PCDHGA9: variants seen among roughly 807,000 people sequenced by gnomAD.
PCDHGA9 encodes protocadherin gamma subfamily A, 9.
A neutral mutation model predicts 62.5 loss-of-function variants in PCDHGA9; 37 were observed. That is an observed-to-expected ratio of 0.59 (90% confidence interval 0.46 to 0.78). The LOEUF (loss-of-function observed/expected upper bound fraction) is 0.78, where lower values mean the gene tolerates loss of function less well. PCDHGA9 is among the 30% of genes least tolerant of loss of function. The probability of loss-of-function intolerance (pLI) is 0.00; values close to 1 mark genes in which losing one functional copy is unlikely to be tolerated. For missense variants in PCDHGA9, 1,138 were observed against 1,166.2 expected (o/e 0.98, Z 0.35); for synonymous variants, 459 against 484.6 (o/e 0.95, Z 0.69).
intron 1 of PCDHGA9, chr5:141,417,819 C>T: frequency 3.3e-6 from 5 of 1,513,202 alleles, no homozygotes; most frequent in Non-Finnish European, 3.5e-6. Flanking sequence ...GCACTTTCTC[C>T]AACTGGAAAA....
At chr5:141,443,392 T>A (rs151260637) in intron 1 of PCDHGA9, among the ~76,000 whole-genome samples, 1 of 151,662 alleles carries the variant, frequency 6.6e-6, no homozygotes, top group Non-Finnish European at 1.5e-5. Context: ...GGCTGAGGTG[T>A]GAGGATCACC....
rs1310227506 is a variant in PCDHGA9, at chr5:141,432,214, CCAGATCACTTATTCCCTGG to C, written c.2424+26840_2424+26858del. ...ACGACCCCGACTGTGAAGAGAACGC[CCAGATCACTTATTCCCTGG>C]CTGAGAACACCATCCAAGGGGCAAG... is the stretch of plus-strand genomic sequence containing the variant. On this transcript the variant is annotated intron_variant, in intron 1 of 3. Transcript: ENST00000573521. This position sits in a 1 kb window ranked among gnomAD's most constrained non-coding sequence, Gnocchi z 6.0. 3.1e-6 allele frequency: 5 copies of C among 1,614,236 alleles called. No homozygotes were observed. The highest frequency in any genetic ancestry group is 4.2e-6 in the Non-Finnish European group (5 of 1,180,050).
At position 141,485,010 on chromosome 5, in the gene PCDHGA9, C is replaced by T; in HGVS notation, c.2425-9797C>T. 1 of 629,958 alleles carries T rather than the reference C, an allele frequency of 1.6e-6. No homozygotes were observed. The highest frequency in any genetic ancestry group is 2.9e-6 in the Non-Finnish European group (1 of 350,608). 39.0% of individuals were successfully genotyped at this position (629,958 alleles called of 1,614,324 possible). On this transcript the variant is annotated intron_variant, in intron 1 of 3. Coordinates refer to ENST00000573521, the MANE Select transcript of PCDHGA9 (RefSeq NM_018921.3). This position sits in a 1 kb window ranked among gnomAD's most constrained non-coding sequence, Gnocchi z 5.7. ...GTGGTGAAAGGCAGACAAATCTACC[C>T]CGCCACCAGCAAAAACGGCGCGTAA...
rs539878473 is a variant in PCDHGA9 at position 141,501,595 on chromosome 5, C to T, written c.2484-3798C>T. Reference sequence around the variant, plus strand: ...GCTGGCTTTCAGGTTGCAACTCTACCAGTTCCAGCTGTGTGACTCTGGTAT... The same window carrying T: ...GCTGGCTTTCAGGTTGCAACTCTACTAGTTCCAGCTGTGTGACTCTGGTAT... On this transcript the variant is annotated intron_variant, in intron 2 of 3. Coordinates refer to ENST00000573521, the MANE Select transcript of PCDHGA9 (RefSeq NM_018921.3). Among the ~76,000 whole-genome samples the T allele has an allele frequency of 9.9e-5, 15 of 152,164 alleles. No homozygotes were observed. In the East Asian group the frequency reaches 2.9e-3, roughly 30 times the overall value.
chr5:141,421,530 C>T (rs377652360), intron 1 of PCDHGA9: 274 of 1,613,922 alleles, frequency 1.7e-4, no homozygotes, highest in Non-Finnish European at 2.3e-4. Flanking sequence ...AGACGGTGTC[C>T]TCCTGTTTTT....
Position 141,405,359 on chromosome 5 carries a change from G to A in PCDHGA9, c.2407G>A (p.Asp803Asn). ...VSVDSKFPIE[D>N]TPLVPQAPPN... ...TGTTGATTCCAAGTTTCCTATAGAA[G>A]ACACCCCTTTGGTTCCGGTGAGTTC... is the stretch of plus-strand genomic sequence containing the variant. Residue 803 changes from aspartate (D) to asparagine (N), a missense_variant, in exon 1 of 4, where the codon GAC (aspartate) becomes AAC (asparagine). Physicochemically the swap from Asp to Asn is conservative, Grantham distance 23 (BLOSUM62 1). Transcript: ENST00000573521. The A allele has an allele frequency of 1.2e-6, 2 of 1,614,018 alleles. No individual in the cohort carries two copies. Among genetic ancestry groups the A allele is most frequent in the Non-Finnish European group, 1.7e-6 (2 of 1,179,920 alleles).
In PCDHGA9 at chr5:141,432,716, C is replaced by G. The variant is rs1417017747; in HGVS notation, c.2424+27340C>G. ...GGCCGTCCAGGACCACGGCCAGCCC[C>G]CTCTCTCCGCCACTGTCACGCTCAC... On this transcript the variant is annotated intron_variant, in intron 1 of 3. Coordinates refer to ENST00000573521, the MANE Select transcript of PCDHGA9 (RefSeq NM_018921.3). This position sits in a 1 kb window ranked among gnomAD's most constrained non-coding sequence, Gnocchi z 6.0. 5.6e-6 allele frequency: 9 copies of G among 1,613,912 alleles called. No individual in the cohort carries two copies. Among genetic ancestry groups the G allele is most frequent in the Non-Finnish European group, 7.6e-6 (9 of 1,179,990 alleles).
rs999687684 is a variant in PCDHGA9 at position 141,431,598 on chromosome 5, C to G, written c.2424+26222C>G. 1 of 1,614,074 alleles carries G rather than the reference C, an allele frequency of 6.2e-7. No individual in the cohort carries two copies. The highest frequency in any genetic ancestry group is 1.3e-5 in the African/African-American group (1 of 74,938). On this transcript the variant is annotated intron_variant, in intron 1 of 3. Transcript: ENST00000573521. This position sits in a 1 kb window ranked among gnomAD's most constrained non-coding sequence, Gnocchi z 4.8. ...GGAGTCAATGCGGAAGTGAGGTATT[C>G]CTTCCGGTATGTGGACGACAAGGCG...
chr5:141,410,186 C>G, intron 1 of PCDHGA9: 1 of 1,613,940 alleles, frequency 6.2e-7, no homozygotes, highest in Non-Finnish European at 8.5e-7. Flanking sequence ...CACGCTTCAT[C>G]TGGTCTTCGC....
chr5:141,431,462 G>A lies in PCDHGA9; in HGVS notation c.2424+26086G>A. ...GCGCATCCGCGTGATGGTTCTGGAT[G>A]CGAACGACAACGCACCAGCGTTTGC... On this transcript the variant is annotated intron_variant, in intron 1 of 3. Transcript: ENST00000573521. This position sits in a 1 kb window ranked among gnomAD's most constrained non-coding sequence, Gnocchi z 4.8. 6.2e-7 allele frequency: 1 copy of A among 1,613,826 alleles called. No individual in the cohort carries two copies. The highest frequency in any genetic ancestry group is 2.2e-5 in the East Asian group (1 of 44,886).
At chr5:141,430,906 C>A (rs764039566) in intron 1 of PCDHGA9, 2 of 1,606,932 alleles carry the variant, frequency 1.2e-6, no homozygotes, top group Non-Finnish European at 1.7e-6. Flanking sequence ...GCGACATCTC[C>A]AGGGACCTGG....
In PCDHGA9 at chr5:141,418,490, G is replaced by A. The variant is rs1473964718; in HGVS notation, c.2424+13114G>A. On this transcript the variant is annotated intron_variant, in intron 1 of 3. Coordinates refer to ENST00000573521, the MANE Select transcript of PCDHGA9 (RefSeq NM_018921.3). Reference sequence around the variant, plus strand: ...AGAAACGCAGAGCGCTCACCACTTGGTACTGACCGCCTTAGATGGTGGGGA... The same window carrying A: ...AGAAACGCAGAGCGCTCACCACTTGATACTGACCGCCTTAGATGGTGGGGA... 5.6e-6 allele frequency: 9 copies of A among 1,613,996 alleles called. No homozygotes were observed. In the East Asian group the frequency reaches 1.6e-4, roughly 28 times the overall value.
chr5:141,467,764 TGCCCGCACCTCA>T (rs544344217), intron 1 of PCDHGA9, among the ~76,000 whole-genome samples: 90 of 152,158 alleles, frequency 5.9e-4, no homozygotes, highest in South Asian at 1.0e-3. Context: ...CATGCTCAAG[TGCCCGCACCTCA>T]GCCTCTCAAG....
At chr5:141,478,044 C>G in intron 1 of PCDHGA9, 1 of 1,614,184 alleles carries the variant, frequency 6.2e-7, no homozygotes. Flanking sequence ...CCCAGGCAGA[C>G]TCTCACGGTC....
chr5:141,409,303 C>G, intron 1 of PCDHGA9: 3 of 1,613,922 alleles, frequency 1.9e-6, no homozygotes, highest in South Asian at 2.2e-5. Flanking sequence ...TGGTTGTTGC[C>G]CTCTTCAAAA....
In PCDHGA9 at chr5:141,404,992, C is replaced by G. The variant is rs2094593837; in HGVS notation, c.2040C>G (p.Ile680Met). 3.1e-6 allele frequency: 5 copies of G among 1,613,876 alleles called. No individual in the cohort carries two copies. Among genetic ancestry groups the G allele is most frequent in the Admixed American group, 3.3e-5 (2 of 60,006 alleles). The part of the protein sequence containing the change: ...DILADLGSLQ[I>M]PADLEASDLT... Reference sequence around the variant, plus strand: ...TGGCTGACCTGGGCAGTCTTCAGATCCCTGCAGACCTGGAGGCCTCAGACC... The same window carrying G: ...TGGCTGACCTGGGCAGTCTTCAGATGCCTGCAGACCTGGAGGCCTCAGACC... Residue 680 changes from isoleucine to methionine, a missense_variant, in exon 1 of 4, where the codon ATC becomes ATG. Ile to Met is a conservative substitution (Grantham distance 10). Coordinates refer to ENST00000573521, the MANE Select transcript of PCDHGA9 (RefSeq NM_018921.3).
At chr5:141,510,795 G>A in intron 3 of PCDHGA9, 152 bp from the exon 4 acceptor site, 6 of 1,465,214 alleles carry the variant, frequency 4.1e-6, no homozygotes, top group Non-Finnish European at 5.5e-6. Context: ...CTTGTGAAGA[G>A]AGACTACCTT....
chr5:141,432,887 T>A lies in PCDHGA9; in HGVS notation c.2424+27511T>A, dbSNP rs146168033. On this transcript the variant is annotated intron_variant, in intron 1 of 3. Coordinates refer to ENST00000573521, the MANE Select transcript of PCDHGA9 (RefSeq NM_018921.3). The surrounding 1 kb of genome is among the most constrained non-coding windows in gnomAD (Gnocchi z 6.0). ...CTGCGTCTTCCTGGCCTTCGTCATC[T>A]TGCTGCTGGCGCTCAGGCTGCGGCG... 1.2e-6 allele frequency: 2 copies of A among 1,614,056 alleles called. No homozygotes were observed. Among genetic ancestry groups the A allele is most frequent in the Non-Finnish European group, 1.7e-6 (2 of 1,179,998 alleles).
In PCDHGA9 at chr5:141,418,596, T is replaced by C; in HGVS notation, c.2424+13220T>C. On this transcript the variant is annotated intron_variant, in intron 1 of 3. Coordinates refer to ENST00000573521, the MANE Select transcript of PCDHGA9 (RefSeq NM_018921.3). Reference sequence around the variant, plus strand: ...AACCCCCCAGTGTTCAGCCAGGACGTGTACAGGGTTAGCCTTCGGGAAGAC... The same window carrying C: ...AACCCCCCAGTGTTCAGCCAGGACGCGTACAGGGTTAGCCTTCGGGAAGAC... 8.7e-6 allele frequency: 14 copies of C among 1,614,046 alleles called. No individual in the cohort carries two copies. The highest frequency in any genetic ancestry group is 1.1e-5 in the Non-Finnish European group (13 of 1,179,906).
Sources: gnomAD v4.1 joint callset for allele counts (sites outside exome capture counted in the v4.1 genomes callset) on GRCh38, gnomAD v4.1.1 for gene constraint, Gnocchi (gnomAD v3.1) non-coding constraint, MANE v1.5 for transcripts, NCBI Gene and HGNC (gene_info 2026-07-23, HGNC 2026-07-21) for gene names.